Variants in SYNCRIP observed in about 807,000 individuals in gnomAD.
The protein encoded by SYNCRIP is synaptotagmin binding cytoplasmic RNA interacting protein.
A neutral mutation model predicts 68.9 loss-of-function variants in SYNCRIP; 9 were observed. The ratio of observed to expected loss-of-function variants is 0.13; its 90% CI spans 0.08 to 0.23. The LOEUF is 0.23. Among genes scored for constraint, SYNCRIP ranks in the 10% least tolerant of loss-of-function variants. The pLI is 1.00. For synonymous variants in SYNCRIP, 258 were observed against 254.0 expected, an observed-to-expected ratio of 1.02 and a Z score of -0.15; for missense variants, 414 against 770.6, an observed-to-expected ratio of 0.54 and a Z score of 5.48.
At chr6:85,619,564 G>T in intron 8 of SYNCRIP, 147 bp from the exon 9 acceptor site, 1 of 677,130 alleles carries the variant, frequency 1.5e-6, no homozygotes, top group Non-Finnish European at 2.3e-6. Context: ...CAACTCCTTG[G>T]GTAAATATCA....
chr6:85,618,851 C>T lies in SYNCRIP; in HGVS notation c.1247G>A (p.Arg416Lys). ...TTTTGCTGCTTGCCTCTGAGCTTTT[C>T]TTTCTTTCCTTTTCTGATCTGGTGG... is the stretch of plus-strand genomic sequence containing the variant. ...AKPPDQKRKE[R>K]KAQRQAAKNQ... Residue 416 changes from arginine to lysine, a missense_variant, in exon 10 of 11, where the codon AGA becomes AAA. Arg to Lys is a conservative substitution (Grantham distance 26, BLOSUM62 2). Transcript: ENST00000369622. The T allele has an allele frequency of 6.2e-7, 1 of 1,612,308 alleles. No individual in the cohort carries two copies. Among genetic ancestry groups the T allele is most frequent in the Non-Finnish European group, 8.5e-7 (1 of 1,179,214 alleles).
At chr6:85,635,070 CAGG>C (rs1405828304) in intron 6 of SYNCRIP, among the ~76,000 whole-genome samples, 1 of 152,148 alleles carries the variant, frequency 6.6e-6, no homozygotes, top group Non-Finnish European at 1.5e-5. Context: ...GTGGCTGAGG[CAGG>C]AGAATTGCCT....
chr6:85,625,956 G>GTAGACAGAAGGATGCTGATACAA (rs1806988112), intron 6 of SYNCRIP, among the ~76,000 whole-genome samples: 1 of 152,168 alleles, frequency 6.6e-6, no homozygotes, highest in South Asian at 2.1e-4. Context: ...TATCTACTGG[G>GTAGACAGAAGGATGCTGATACAA]TAGACAGAAG....
At chr6:85,642,721 C>T (rs1367886621) in intron 1 of SYNCRIP, 76 bp downstream of exon 1, 1 of 152,986 alleles carries the variant, frequency 6.5e-6, no homozygotes, top group Admixed American at 6.5e-5. Flanking sequence ...CGGTTTCTAC[C>T]CGCGCCACCC....
At chr6:85,643,373 G>C (rs913042267), upstream of SYNCRIP, 5 of 152,186 alleles carry the variant, frequency 3.3e-5, no homozygotes, top group Admixed American at 6.6e-5. Context: ...CGCGGGCTCC[G>C]CCCCCACGCC....
intron 2 of SYNCRIP, 55 bp from the exon 3 acceptor site, chr6:85,640,619 G>C (rs1809014321): frequency 8.7e-7 from 1 of 1,155,692 alleles, no homozygotes; most frequent in Admixed American, 2.5e-5. Context: ...ATTTTTTAGA[G>C]AAGACTATGT....
At chr6:85,642,514 G>A (rs939435614) in intron 1 of SYNCRIP, among the ~76,000 whole-genome samples, 4 of 152,160 alleles carry the variant, frequency 2.6e-5, no homozygotes, top group Admixed American at 6.5e-5. Context: ...CGCCACGACA[G>A]CACCAACTCT....
rs536861967 is a variant in SYNCRIP at position 85,621,334 on chromosome 6, T to C, written c.1008+1148A>G. ...GAATTCTTAAAAGACAAAGGATAAC[T>C]GGGGCATGGTGGCTCATGCCTGTAA... On this transcript the variant is annotated intron_variant, in intron 8 of 10. Transcript: ENST00000369622. Among the ~76,000 whole-genome samples, 5 of 152,282 alleles carry C rather than the reference T, an allele frequency of 3.3e-5. No individual in the cohort carries two copies. In the East Asian group the frequency reaches 7.7e-4, roughly 23 times the overall value.
chr6:85,636,921 A>C (rs763529600), intron 6 of SYNCRIP, 46 bp downstream of exon 6: 2 of 1,531,574 alleles, frequency 1.3e-6, no homozygotes, highest in Non-Finnish European at 1.8e-6. Flanking sequence ...ACTTGATATT[A>C]AAGACAGTGA....
downstream of SYNCRIP, chr6:85,611,591 A>G (rs1407122470): frequency 6.6e-6 from 1 of 152,492 alleles, no homozygotes; most frequent in Non-Finnish European, 1.5e-5. Flanking sequence ...ACTTTAAGCT[A>G]TCAACTTAGG....
chr6:85,620,513 G>A (rs1378742053), intron 8 of SYNCRIP, among the ~76,000 whole-genome samples: 1 of 152,278 alleles, frequency 6.6e-6, no homozygotes, highest in African/African-American at 2.4e-5. Context: ...AATGGGGAGG[G>A]ATGACTAAGC....
At chr6:85,641,147 CAAACTTA>C (rs1809093265) in intron 2 of SYNCRIP, 138 bp downstream of exon 2, 1 of 663,520 alleles carries the variant, frequency 1.5e-6, no homozygotes, top group African/African-American at 1.8e-5. Flanking sequence ...ACCTCTACTT[CAAACTTA>C]AATTAACCAA....
At chr6:85,611,490 G>A (rs562253138), downstream of SYNCRIP, 1 of 152,576 alleles carries the variant, frequency 6.6e-6, no homozygotes, top group South Asian at 2.1e-4. Flanking sequence ...GTGCCTATTG[G>A]GTATGTGATA....
intron 3 of SYNCRIP, 57 bp downstream of exon 3, chr6:85,640,389 G>T: frequency 1.9e-6 from 3 of 1,577,646 alleles, no homozygotes; most frequent in Non-Finnish European, 2.6e-6. Context: ...ATAAAATTCA[G>T]CAGATAGTAT....
At chr6:85,618,790 A>G in intron 10 of SYNCRIP, 28 bp downstream of exon 10, 1 of 1,539,058 alleles carries the variant, frequency 6.5e-7, no homozygotes, top group Non-Finnish European at 8.8e-7. Context: ...AAATTTATAC[A>G]ATTTTTAAGT....
Position 85,614,062 on chromosome 6 carries a change from A to G in SYNCRIP, c.*694T>C. 1.0e-6 allele frequency: 1 copy of G among 985,890 alleles called. No homozygotes were observed. The highest frequency in any genetic ancestry group is 1.7e-5 in the African/African-American group (1 of 57,380). The allele number at this position is 985,890 out of a possible 1,614,324, so 61.1% of individuals were successfully genotyped here. A position where few individuals can be genotyped will look rare whatever the true frequency, so the allele number is the denominator to read the frequency against. ...TTTAAACCAGAAGCAGAAAACTGCA[A>G]TAAATCAGTGTTGTGTAATGTGCAG... On this transcript the variant is annotated 3_prime_UTR_variant, in exon 11 of 11. Transcript: ENST00000369622.
At chr6:85,623,562 C>CCAAAAAAAAAAAAAAAAAAAAAACAA (rs572909849) in intron 7 of SYNCRIP, among the ~76,000 whole-genome samples, 1 of 63,240 alleles carries the variant, frequency 1.6e-5, no homozygotes, top group South Asian at 6.7e-4. Flanking sequence ...AGACTGTCTC[C>CCAAAAAAAAAAAAAAAAAAAAAACAA]AAAAAAAAAA....
At chr6:85,620,242 T>A (rs1021049124) in intron 8 of SYNCRIP, among the ~76,000 whole-genome samples, 9 of 152,220 alleles carry the variant, frequency 5.9e-5, no homozygotes, top group African/African-American at 2.2e-4. Flanking sequence ...CGAGACTCTG[T>A]CTCAAAAGAA....
At chr6:85,623,696 A>G (rs1806713698) in intron 7 of SYNCRIP, among the ~76,000 whole-genome samples, 1 of 152,158 alleles carries the variant, frequency 6.6e-6, no homozygotes, top group South Asian at 2.1e-4. Context: ...CACACAAAGA[A>G]ATACGATCTT....
Sources: allele counts gnomAD v4.1 joint callset (sites outside exome capture counted in the v4.1 genomes callset), GRCh38; gene constraint gnomAD v4.1.1; transcripts MANE v1.5; gene names NCBI Gene and HGNC (gene_info 2026-07-23, HGNC 2026-07-21).